The following SNX25 variants were observed in gnomAD, a reference collection of about 807,000 sequenced individuals.
SNX25 encodes the protein sorting nexin-25.
SNX25 carries 62 observed loss-of-function variants against 113.7 expected under a neutral mutation model. The observed-to-expected ratio is 0.55, with a 90% CI of 0.44 to 0.67. SNX25 has a LOEUF of 0.67. Among genes scored for constraint, SNX25 ranks in the 30% least tolerant of loss-of-function variants. SNX25 has a pLI of 0.00. For synonymous variants in SNX25, 421 were observed against 436.2 expected (o/e 0.97, Z 0.43); for missense variants, 1,014 against 1,161.0 (o/e 0.87, Z 1.84).
intron 1 of SNX25, among the ~76,000 whole-genome samples, chr4:185,244,760 T>C (rs1560929046): frequency 6.6e-6 from 1 of 152,238 alleles, no homozygotes. Context: ...TTTTCTTTCT[T>C]GGGTGCAACA....
At chr4:185,273,672 T>C (rs1277993516) in intron 5 of SNX25, among the ~76,000 whole-genome samples, 1 of 152,098 alleles carries the variant, frequency 6.6e-6, no homozygotes, top group African/African-American at 2.4e-5. Flanking sequence ...TCTTCCAATC[T>C]CCCTCCCACC....
In SNX25 at chr4:185,341,999, A is replaced by G. The variant is rs2095262351; in HGVS notation, c.2070A>G (p.Gln690=). 3.1e-6 allele frequency: 5 copies of G among 1,605,994 alleles called. No homozygotes were observed. The South Asian group carries it at 5.6e-5, about 18-fold the overall frequency. Reference sequence around the variant, plus strand: ...AGGTTACAGAAGAGAATGGTGAGCAATTGCCATGTTACTTTGTCATGGTAA... The same window carrying G: ...AGGTTACAGAAGAGAATGGTGAGCAGTTGCCATGTTACTTTGTCATGGTAA... ...SGEVTEENGE[Q]LPCYFVMVSL... is the part of the protein sequence containing the mutation. The change falls in exon 12 of 19, where the codon CAA becomes CAG. Residue 690 remains glutamine, a synonymous_variant. Coordinates refer to ENST00000652585, the MANE Select transcript of SNX25 (RefSeq NM_001378034.2).
downstream of SNX25, among the ~76,000 whole-genome samples, chr4:185,372,494 C>T (rs566108392): frequency 6.6e-6 from 1 of 152,344 alleles, no homozygotes; most frequent in Admixed American, 6.5e-5. Context: ...TGGCATAGAA[C>T]ATGTAGTAGG....
intron 7 of SNX25, among the ~76,000 whole-genome samples, chr4:185,314,947 G>A (rs866319883): frequency 4.0e-5 from 6 of 151,064 alleles, no homozygotes; most frequent in Admixed American, 2.0e-4. Context: ...AAACCTTCCC[G>A]GCTGGGCGCG....
chr4:185,318,508 A>G (rs2095093065), intron 7 of SNX25, among the ~76,000 whole-genome samples: 1 of 152,170 alleles, frequency 6.6e-6, no homozygotes, highest in South Asian at 2.1e-4. Context: ...GAGGAATTTT[A>G]TGGGCTTATT....
chr4:185,369,609 GT>G lies in SNX25; in HGVS notation c.*1005-140del, dbSNP rs555061415. ...TATTCATGCTAAGAATGGTGTAGAG[GT>G]AAATATCTTAAAGATCAGTTGCATT... On this transcript the variant is annotated intron_variant and NMD_transcript_variant, in intron 11 of 11. Transcript: ENST00000504959. 250 of 320,970 alleles carry G rather than the reference GT, an allele frequency of 7.8e-4. 2 individuals carry two copies. Among genetic ancestry groups the G allele is most frequent in the African/African-American group, 5.4e-3 (246 of 45,308 alleles). The allele number at this position is 320,970 out of a possible 1,614,324, so 19.9% of individuals were successfully genotyped here.
rs547845509 is a variant in SNX25 at position 185,333,562 on chromosome 4, A to G, written c.1914+803A>G. Among the ~76,000 whole-genome samples, 24 of 152,342 alleles carry G rather than the reference A, an allele frequency of 1.6e-4. No homozygotes were observed. In the South Asian group the frequency reaches 2.7e-3, roughly 17 times the overall value. ...GAAAAACTGGTATCATGAGCCTATC[A>G]GCAATTTACAATTAAAATATCTATT... On this transcript the variant is annotated intron_variant, in intron 10 of 18. Transcript: ENST00000652585.
At chr4:185,343,323 G>T (rs2095269729) in intron 12 of SNX25, among the ~76,000 whole-genome samples, 1 of 152,214 alleles carries the variant, frequency 6.6e-6, no homozygotes, top group Non-Finnish European at 1.5e-5. Flanking sequence ...ATAAGAATGT[G>T]TGGCACATAG....
At chr4:185,242,748 A>G (rs1004277057) in intron 1 of SNX25, among the ~76,000 whole-genome samples, 4 of 152,158 alleles carry the variant, frequency 2.6e-5, no homozygotes, top group Admixed American at 6.5e-5. Context: ...ACAGTCAGAG[A>G]GGCAGGGGCC....
chr4:185,377,523 C>G, the SNX25 span: 1 of 165,122 alleles, frequency 6.1e-6, no homozygotes, highest in Non-Finnish European at 1.3e-5. Context: ...CATCTCAAAA[C>G]AACAACAACA....
chr4:185,369,227 C>CTTTT (rs35543353), intron 11 of SNX25, among the ~76,000 whole-genome samples: 14 of 100,928 alleles, frequency 1.4e-4, no homozygotes, highest in East Asian at 2.8e-4. Context: ...ATACAGAGAG[C>CTTTT]TTTTTTTTTT....
chr4:185,225,403 C>T (rs981754780), intron 1 of SNX25, among the ~76,000 whole-genome samples: 8 of 152,334 alleles, frequency 5.3e-5, no homozygotes, highest in East Asian at 1.9e-4. Context: ...GGATTACAGG[C>T]GTGAGCCACC....
At chr4:185,291,762 A>G (rs1017601890) in intron 6 of SNX25, among the ~76,000 whole-genome samples, 2 of 152,168 alleles carry the variant, frequency 1.3e-5, no homozygotes, top group African/African-American at 4.8e-5. Flanking sequence ...TTTTCTCAAC[A>G]GGGGCACTAG....
chr4:185,256,687 G>T (rs1036446830), intron 2 of SNX25, among the ~76,000 whole-genome samples: 8 of 146,028 alleles, frequency 5.5e-5, no homozygotes, highest in Non-Finnish European at 1.2e-4. Context: ...ATGCAGTGGC[G>T]CTGTCTTGAC....
chr4:185,371,900 G>A (rs1033715791), downstream of SNX25, among the ~76,000 whole-genome samples: 1 of 152,036 alleles, frequency 6.6e-6, no homozygotes, highest in African/African-American at 2.4e-5. Flanking sequence ...GAGACCTGGC[G>A]CTGTGGGAAG....
intron 5 of SNX25, among the ~76,000 whole-genome samples, chr4:185,287,676 A>G (rs564602392): frequency 2.0e-5 from 3 of 152,360 alleles, no homozygotes; most frequent in South Asian, 4.1e-4. Context: ...TGTAAGAAGT[A>G]GAATCAGCTA....
intron 3 of SNX25, among the ~76,000 whole-genome samples, chr4:185,261,113 T>C (rs546137568): frequency 7.8e-6 from 1 of 128,594 alleles, no homozygotes; most frequent in East Asian, 2.3e-4. Flanking sequence ...TCTGTCTGTC[T>C]CTGTGTGTGT....
At chr4:185,274,806 A>AT (rs1056965132) in intron 5 of SNX25, among the ~76,000 whole-genome samples, 6 of 152,152 alleles carry the variant, frequency 3.9e-5, no homozygotes, top group Middle Eastern at 3.2e-3. Flanking sequence ...ATTAGGTAGT[A>AT]TTTTTTCCCT....
chr4:185,323,341 G>A (rs2095134330), intron 8 of SNX25, among the ~76,000 whole-genome samples, 187 bp from the exon 9 acceptor site: 1 of 151,808 alleles, frequency 6.6e-6, no homozygotes, highest in Admixed American at 6.6e-5. Context: ...TTCATTTAAA[G>A]AATTAGTTTT....
Sources: allele counts gnomAD v4.1 joint callset (sites outside exome capture counted in the v4.1 genomes callset), GRCh38; gene constraint gnomAD v4.1.1; transcripts MANE v1.5; gene names NCBI Gene and HGNC (gene_info 2026-07-23, HGNC 2026-07-21).